SLCO5A1: variants seen among roughly 807,000 people sequenced by gnomAD.
SLCO5A1 encodes the protein solute carrier organic anion transporter family member 5A1.
SLCO5A1 carries 39 observed loss-of-function variants against 65.1 expected under a neutral mutation model. The ratio of observed to expected loss-of-function variants is 0.60; its 90% CI spans 0.46 to 0.78. The LOEUF is 0.78. Ranked by LOEUF, SLCO5A1 falls within the 30% of genes least tolerant of loss-of-function variation. The pLI is 0.00. For missense variants in SLCO5A1, 1,029 were observed against 1,069.4 expected (o/e 0.96, Z 0.53); for synonymous variants, 438 against 415.7 (o/e 1.05, Z -0.65).
At chr8:69,778,507 A>C (rs922980976) in intron 2 of SLCO5A1, among the ~76,000 whole-genome samples, 2 of 152,172 alleles carry the variant, frequency 1.3e-5, no homozygotes, top group African/African-American at 2.4e-5. Context: ...CCATGTGTTA[A>C]AAGTTGTTAG....
At chr8:69,729,446 C>CCAA (rs1816236777) in intron 5 of SLCO5A1, among the ~76,000 whole-genome samples, 2 of 80,524 alleles carry the variant, frequency 2.5e-5, no homozygotes, top group African/African-American at 1.0e-4. Flanking sequence ...TCCGTCCCAA[C>CCAA]AAAAAAAAAA....
intron 2 of SLCO5A1, among the ~76,000 whole-genome samples, chr8:69,784,389 C>T (rs1818920775): frequency 6.6e-6 from 1 of 152,168 alleles, no homozygotes; most frequent in African/African-American, 2.4e-5. Flanking sequence ...CTGACCATAT[C>T]AAGTAGTAGC....
At chr8:69,682,011 T>C (rs1310934700) in intron 7 of SLCO5A1, among the ~76,000 whole-genome samples, 173 bp downstream of exon 7, 1 of 152,098 alleles carries the variant, frequency 6.6e-6, no homozygotes, top group Non-Finnish European at 1.5e-5. Context: ...GAAAAAAAAA[T>C]AATAGCAATG....
chr8:69,720,012 C>T (rs1316446070), intron 5 of SLCO5A1, among the ~76,000 whole-genome samples: 2 of 152,174 alleles, frequency 1.3e-5, no homozygotes, highest in African/African-American at 4.8e-5. Flanking sequence ...AGAAAGGAAA[C>T]AGATGACATG....
At chr8:69,707,618 A>T (rs1815033135) in intron 5 of SLCO5A1, among the ~76,000 whole-genome samples, 1 of 152,196 alleles carries the variant, frequency 6.6e-6, no homozygotes, top group African/African-American at 2.4e-5. Flanking sequence ...TGCGGCTGAC[A>T]GGATGGAAGC....
chr8:69,748,054 C>A (rs1817117724), intron 4 of SLCO5A1, among the ~76,000 whole-genome samples: 2 of 152,052 alleles, frequency 1.3e-5, no homozygotes, highest in South Asian at 4.1e-4. Context: ...ATCATAAGGC[C>A]CCATGAAGGT....
chr8:69,782,238 A>C (rs1818830657), intron 2 of SLCO5A1, among the ~76,000 whole-genome samples: 1 of 152,088 alleles, frequency 6.6e-6, no homozygotes, highest in Non-Finnish European at 1.5e-5. Context: ...ATAATAAATA[A>C]ATAAATAAAT....
intron 2 of SLCO5A1, among the ~76,000 whole-genome samples, chr8:69,825,205 T>C (rs1391321341): frequency 6.6e-6 from 1 of 152,176 alleles, no homozygotes; most frequent in Non-Finnish European, 1.5e-5. Context: ...GCATTCCCTT[T>C]GAAAACTGGC....
chr8:69,745,410 C>T (rs538844441), intron 4 of SLCO5A1, among the ~76,000 whole-genome samples: 105 of 152,208 alleles, frequency 6.9e-4, no homozygotes, highest in African/African-American at 2.4e-3. Context: ...GTTCCTTTTA[C>T]ATCTTTTTTT....
chr8:69,680,770 T>G (rs1010071185), intron 7 of SLCO5A1, among the ~76,000 whole-genome samples: 1 of 152,284 alleles, frequency 6.6e-6, no homozygotes, highest in Non-Finnish European at 1.5e-5. Flanking sequence ...ATCTTTGAAG[T>G]CCCTTTAGTT....
intron 5 of SLCO5A1, among the ~76,000 whole-genome samples, chr8:69,716,560 C>T (rs112604684): frequency 1.8e-3 from 275 of 152,246 alleles, no homozygotes; most frequent in Non-Finnish European, 3.3e-3. Context: ...TTTGCATATC[C>T]GTGATAACTA....
chr8:69,772,140 GCGTTGTTCCATGGGATCACTTGCAACCT>G (rs1181662902), intron 2 of SLCO5A1, among the ~76,000 whole-genome samples: 1 of 152,166 alleles, frequency 6.6e-6, no homozygotes, highest in Non-Finnish European at 1.5e-5. Flanking sequence ...ATCTCAAACA[GCGTTGTTCCATGGGATCACTTGCAACCT>G]CGGGGAACAA....
At chr8:69,730,633 G>T (rs1290238450) in intron 5 of SLCO5A1, among the ~76,000 whole-genome samples, 1 of 152,184 alleles carries the variant, frequency 6.6e-6, no homozygotes, top group Non-Finnish European at 1.5e-5. Flanking sequence ...TCCTAGTCAA[G>T]GCACAAAACA....
intron 2 of SLCO5A1, among the ~76,000 whole-genome samples, chr8:69,810,876 C>G (rs1393242614): frequency 1.3e-5 from 2 of 152,156 alleles, no homozygotes; most frequent in African/African-American, 4.8e-5. Flanking sequence ...GTGGCCATGT[C>G]TTCTGCTGGT....
At chr8:69,783,013 G>A (rs1325532170) in intron 2 of SLCO5A1, among the ~76,000 whole-genome samples, 3 of 152,044 alleles carry the variant, frequency 2.0e-5, no homozygotes, top group Non-Finnish European at 2.9e-5. Context: ...ATAAATAGTA[G>A]ATCATAATTT....
intron 7 of SLCO5A1, 130 bp downstream of exon 7, chr8:69,682,054 G>A (rs1286494109): frequency 2.8e-5 from 26 of 941,900 alleles, no homozygotes; most frequent in Middle Eastern, 2.2e-4. Flanking sequence ...TTTCATCAGA[G>A]GTATTTTGTA....
At chr8:69,681,139 C>A (rs1027479759) in intron 7 of SLCO5A1, among the ~76,000 whole-genome samples, 2 of 152,190 alleles carry the variant, frequency 1.3e-5, no homozygotes, top group African/African-American at 4.8e-5. Flanking sequence ...TTTATCATTG[C>A]AGTTTAAAAC....
At position 69,832,893 on chromosome 8, in the gene SLCO5A1, A is replaced by G. The variant is rs2130932497; in HGVS notation, c.-220T>C. 1.7e-6 allele frequency: 1 copy of G among 592,484 alleles called. No homozygotes were observed. The highest frequency in any genetic ancestry group is 3.0e-5 in the East Asian group (1 of 33,888). 36.7% of individuals were successfully genotyped at this position (592,484 alleles called of 1,614,324 possible). On this transcript the variant is annotated 5_prime_UTR_variant, in exon 2 of 10. Transcript: ENST00000260126. This position sits in a 1 kb window ranked among gnomAD's most constrained non-coding sequence, Gnocchi z 4.5. Reference sequence around the variant, plus strand: ...TCAAGGCTCCGCAGCCGCGTGCCACAGGGGGCAGGGGTCCGCGCGGTACTG... The same window carrying G: ...TCAAGGCTCCGCAGCCGCGTGCCACGGGGGGCAGGGGTCCGCGCGGTACTG...
chr8:69,825,398 A>T (rs1462729725), intron 2 of SLCO5A1, among the ~76,000 whole-genome samples: 3 of 152,154 alleles, frequency 2.0e-5, no homozygotes, highest in Non-Finnish European at 4.4e-5. Flanking sequence ...TCAGCCCAAA[A>T]TCTCCTTAAG....
Sources: allele counts gnomAD v4.1 joint callset (sites outside exome capture counted in the v4.1 genomes callset), GRCh38; gene constraint gnomAD v4.1.1; non-coding constraint Gnocchi (gnomAD v3.1); transcripts MANE v1.5; gene names NCBI Gene and HGNC (gene_info 2026-07-23, HGNC 2026-07-21).